Variants in LIPK observed in about 807,000 individuals in gnomAD.
LIPK encodes the protein lipase member K.
In LIPK, 32 loss-of-function variants were observed where a neutral mutation model predicts 48.6. The observed-to-expected ratio is 0.66, with a 90% CI of 0.50 to 0.88. The LOEUF (loss-of-function observed/expected upper bound fraction) is 0.88, where lower values mean the gene tolerates loss of function less well. Among genes scored for constraint, LIPK ranks in the 40% least tolerant of loss-of-function variants. LIPK has a pLI of 0.00. For missense variants in LIPK, 507 were observed against 478.5 expected, an observed-to-expected ratio of 1.06 and a Z score of -0.56; for synonymous variants, 164 against 157.4, an observed-to-expected ratio of 1.04 and a Z score of -0.32.
At chr10:88,722,243 C>G (rs530399784) in intron 1 of LIPK, among the ~76,000 whole-genome samples, 2 of 152,164 alleles carry the variant, frequency 1.3e-5, no homozygotes, top group East Asian at 3.9e-4. Flanking sequence ...TGCAGTGAGC[C>G]GGGGTCGCAC....
chr10:88,743,157 C>T, intron 8 of LIPK, 93 bp from the exon 9 acceptor site: 2 of 707,550 alleles, frequency 2.8e-6, no homozygotes, highest in South Asian at 4.1e-5. Flanking sequence ...AAGACTGGGG[C>T]ATAATGTTAA....
At chr10:88,729,195 G>GCTTAAA (rs555869767) in intron 3 of LIPK, among the ~76,000 whole-genome samples, 141 of 120,872 alleles carry the variant, frequency 1.2e-3, no homozygotes, top group African/African-American at 4.3e-3. Flanking sequence ...TCAGTTCTGT[G>GCTTAAA]CTTAAACTTC....
intron 1 of LIPK, among the ~76,000 whole-genome samples, chr10:88,719,760 A>G (rs753883779): frequency 1.9e-4 from 29 of 152,196 alleles, no homozygotes; most frequent in African/African-American, 5.3e-4. Flanking sequence ...AAGCATTGCC[A>G]TAAGTTGTTA....
At chr10:88,739,685 C>A (rs904281941) in intron 7 of LIPK, among the ~76,000 whole-genome samples, 3 of 151,914 alleles carry the variant, frequency 2.0e-5, no homozygotes, top group African/African-American at 4.8e-5. Context: ...GAAACCCTGT[C>A]TCTACTAAAA....
intron 1 of LIPK, among the ~76,000 whole-genome samples, chr10:88,718,112 A>G (rs1237785667): frequency 6.6e-6 from 1 of 151,692 alleles, no homozygotes; most frequent in Non-Finnish European, 1.5e-5. Context: ...TCTTCCTCCC[A>G]TGCATTCTAC....
chr10:88,713,951 A>AAAAAAT (rs1395000491), intron 1 of LIPK, among the ~76,000 whole-genome samples: 1 of 151,900 alleles, frequency 6.6e-6, no homozygotes, highest in African/African-American at 2.4e-5. Flanking sequence ...CTCTGTCTCA[A>AAAAAAT]AAAAATAAAA....
At chr10:88,748,092 C>A (rs1324284943) in intron 9 of LIPK, among the ~76,000 whole-genome samples, 3 of 152,040 alleles carry the variant, frequency 2.0e-5, no homozygotes, top group African/African-American at 7.2e-5. Context: ...ACCATGCAGC[C>A]AATGAGATAA....
Position 88,752,675 on chromosome 10 carries a change from G to A in LIPK, c.1119G>A (p.Val373=), listed in dbSNP as rs186501278. ...AGCTGATTCCACACTACAATCATGT[G>A]GATTTTTACCTTGGAGAGGATGCAC... ...YYKLIPHYNH[V]DFYLGEDAPQ... is the part of the protein sequence containing the mutation. Residue 373 remains valine, a synonymous_variant, in exon 10 of 10, where the codon GTG becomes GTA. Coordinates refer to ENST00000404190, the MANE Select transcript of LIPK (RefSeq NM_001080518.2). 1.3e-5 allele frequency: 21 copies of A among 1,577,592 alleles called. No homozygotes were observed. Among genetic ancestry groups the A allele is most frequent in the Non-Finnish European group, 1.6e-5 (19 of 1,159,712 alleles).
chr10:88,747,424 C>A (rs2134790175), intron 9 of LIPK, among the ~76,000 whole-genome samples: 1 of 152,280 alleles, frequency 6.6e-6, no homozygotes, highest in Non-Finnish European at 1.5e-5. Context: ...CCACAACAAT[C>A]AAGTAGGCTT....
intron 8 of LIPK, among the ~76,000 whole-genome samples, chr10:88,742,687 C>T (rs982014532): frequency 1.3e-5 from 2 of 152,048 alleles, no homozygotes; most frequent in Admixed American, 6.5e-5. Flanking sequence ...CTTGACTCCA[C>T]ATATGGGAGG....
chr10:88,738,666 TAA>T (rs1311342449), intron 7 of LIPK, among the ~76,000 whole-genome samples: 2 of 152,066 alleles, frequency 1.3e-5, no homozygotes, highest in African/African-American at 4.8e-5. Flanking sequence ...TTGAAGCAAA[TAA>T]AAAAGAGTGT....
At chr10:88,722,645 C>T (rs1045753232) in intron 1 of LIPK, among the ~76,000 whole-genome samples, 3 of 152,066 alleles carry the variant, frequency 2.0e-5, no homozygotes. Context: ...TAGAAAAACA[C>T]TAATTAGACA....
intron 1 of LIPK, among the ~76,000 whole-genome samples, chr10:88,710,080 T>C (rs1025195026): frequency 1.3e-5 from 2 of 151,926 alleles, no homozygotes; most frequent in African/African-American, 4.8e-5. Flanking sequence ...TATGCTTTCA[T>C]GTTTTTATAT....
chr10:88,732,392 A>G, intron 5 of LIPK, 23 bp from the exon 6 acceptor site: 1 of 1,601,090 alleles, frequency 6.2e-7, no homozygotes, highest in Non-Finnish European at 8.5e-7. Context: ...AAAACTATGA[A>G]CTACTGTCTT....
chr10:88,715,140 A>G (rs1278565323), intron 1 of LIPK, among the ~76,000 whole-genome samples: 1 of 152,102 alleles, frequency 6.6e-6, no homozygotes. Context: ...TGCAAATGTC[A>G]ATTATAACAA....
intron 9 of LIPK, among the ~76,000 whole-genome samples, chr10:88,745,800 A>C (rs933195698): frequency 6.6e-6 from 1 of 152,212 alleles, no homozygotes; most frequent in Non-Finnish European, 1.5e-5. Context: ...GAATGCAAAC[A>C]GGCTAAATGC....
chr10:88,726,691 T>TCAAA (rs373609523), intron 2 of LIPK, 104 bp from the exon 3 acceptor site: 96 of 689,416 alleles, frequency 1.4e-4, no homozygotes, highest in African/African-American at 1.1e-3. Flanking sequence ...GAGACCCGTC[T>TCAAA]CAAACAAACA....
At chr10:88,736,078 G>A (rs549308474) in intron 6 of LIPK, among the ~76,000 whole-genome samples, 37 of 151,914 alleles carry the variant, frequency 2.4e-4, no homozygotes, top group Admixed American at 4.6e-4. Context: ...TGGAATAAAA[G>A]AAGTACCAAG....
intron 2 of LIPK, among the ~76,000 whole-genome samples, chr10:88,726,082 C>CT (rs1842331841): frequency 1.7e-5 from 1 of 57,336 alleles, no homozygotes; most frequent in African/African-American, 1.9e-4. Flanking sequence ...TAACTGCTTC[C>CT]TCCCCTCTTC....
Sources: allele counts gnomAD v4.1 joint callset (sites outside exome capture counted in the v4.1 genomes callset), GRCh38; gene constraint gnomAD v4.1.1; transcripts MANE v1.5; gene names NCBI Gene and HGNC (gene_info 2026-07-23, HGNC 2026-07-21).